The following KNG1 variants were observed in gnomAD, a reference collection of about 807,000 sequenced individuals.
The protein encoded by KNG1 is kininogen 1, also known as kininogen-1.
A neutral mutation model predicts 47.8 loss-of-function variants in KNG1; 23 were observed. The observed-to-expected ratio is 0.48, with a 90% confidence interval of 0.35 to 0.68. The LOEUF is 0.68. Among genes scored for constraint, KNG1 ranks in the 30% least tolerant of loss-of-function variants. The pLI is 0.01. For missense variants in KNG1, 762 were observed against 790.2 expected (o/e 0.96, Z 0.43); for synonymous variants, 277 against 277.0 (o/e 1.00, Z 0.00).
chr3:186,740,976 T>G (rs181666212), intron 9 of KNG1, among the ~76,000 whole-genome samples: 90 of 125,200 alleles, frequency 7.2e-4, no homozygotes, highest in African/African-American at 2.8e-3. Context: ...GGTTTTTTTG[T>G]TTTTTTTTTG....
rs1342731316 is a variant in KNG1 at position 186,727,270 on chromosome 3, T to A, written c.598T>A (p.Ser200Thr). The change falls in exon 5 of 10, where the codon TCA becomes ACA. Residue 200 changes from serine to threonine, a missense_variant. Ser to Thr is a moderately conservative substitution (Grantham distance 58, BLOSUM62 1). Coordinates refer to ENST00000644859, the MANE Select transcript of KNG1 (RefSeq NM_001102416.3). ...VAGLNFRITY[S>T]IVQTNCSKEN... ...TGGATTGAACTTTCGAATTACCTAC[T>A]CAATTGTGCAAACGAATTGTTCCAA... The A allele has an allele frequency of 6.2e-7, 1 of 1,613,824 alleles. No individual in the cohort carries two copies. Among genetic ancestry groups the A allele is most frequent in the Non-Finnish European group, 8.5e-7 (1 of 1,179,710 alleles).
intron 6 of KNG1, 108 bp downstream of exon 6, chr3:186,731,737 G>A: frequency 1.4e-6 from 1 of 735,270 alleles, no homozygotes; most frequent in South Asian, 1.5e-5. Context: ...ATACTCCAAA[G>A]TCTGTGTAAC....
chr3:186,730,666 AAAAAAAAAAAAAAAAAAATATATATAT>A lies in KNG1; in HGVS notation c.673-877_673-851del, dbSNP rs1365665093. Reference sequence around the variant, plus strand: ...GAGAGACTCCATCACAAAAAAAAAAAAAAAAAAAAAAAAAAAAATATATATATATATATATATATATATATATATACA... The same window carrying A: ...GAGAGACTCCATCACAAAAAAAAAAAATATATATATATATATATATATACA... On this transcript the variant is annotated intron_variant, in intron 5 of 9. Transcript: ENST00000644859. Among the ~76,000 whole-genome samples the A allele has an allele frequency of 1.8e-3, 134 of 74,198 alleles. 1 individual carries two copies. In the East Asian group the frequency reaches 0.019, roughly 10 times the overall value. The allele number at this position is 74,198 out of a possible 152,430, so 48.7% of individuals were successfully genotyped here.
rs759881170 is a variant in KNG1, at chr3:186,742,322, C to T, written c.1926C>T (p.Gly642=). 12 of 1,613,802 alleles carry T rather than the reference C, an allele frequency of 7.4e-6. No individual in the cohort carries two copies. The East Asian group carries it at 2.5e-4, about 33-fold the overall frequency. ...KESYYFDLTD[G]LS The stretch of plus-strand genomic sequence containing the variant: ...CTTATTATTTCGATCTCACTGATGG[C>T]CTTTCTTAATTTAAGTGGCTATGGG... The change falls in exon 10 of 10, where the codon GGC becomes GGT. Residue 642 remains glycine (G), a synonymous_variant. Coordinates refer to ENST00000644859, the MANE Select transcript of KNG1 (RefSeq NM_001102416.3).
At chr3:186,725,497 G>A (rs950340153) in intron 4 of KNG1, among the ~76,000 whole-genome samples, 7 of 150,168 alleles carry the variant, frequency 4.7e-5, no homozygotes, top group African/African-American at 1.5e-4. Context: ...GTCATTACAG[G>A]CTCTTCCTAG....
At chr3:186,725,063 G>GT (rs1560063024) in intron 3 of KNG1, 25 bp from the exon 4 acceptor site, 5 of 1,613,306 alleles carry the variant, frequency 3.1e-6, no homozygotes, top group Non-Finnish European at 3.4e-6. Context: ...CATTAATGCT[G>GT]TGTTTTTGTC....
At chr3:186,727,728 C>T (rs988568655) in intron 5 of KNG1, among the ~76,000 whole-genome samples, 19 of 152,052 alleles carry the variant, frequency 1.2e-4, no homozygotes, top group African/African-American at 3.9e-4. Flanking sequence ...CCAACCACCA[C>T]GCATGGCTAA....
chr3:186,722,162 A>T (rs979828479), intron 2 of KNG1: 14 of 287,564 alleles, frequency 4.9e-5, no homozygotes, highest in Non-Finnish European at 8.4e-5. Flanking sequence ...AAGAAAAAAG[A>T]AATACCCTCC....
intron 5 of KNG1, among the ~76,000 whole-genome samples, chr3:186,730,655 C>CAAAA (rs869232105): frequency 1.7e-4 from 14 of 80,106 alleles, no homozygotes; most frequent in Non-Finnish European, 2.7e-4. Context: ...GACTCCATCA[C>CAAAA]AAAAAAAAAA....
At position 186,743,781 on chromosome 3, in the gene KNG1, C is replaced by T. The variant is rs752622792; in HGVS notation, c.*1450C>T. Reference sequence around the variant, plus strand: ...GAGCCAGCATCTGAGAGGGAGGTCTCTTGACCAATGGGCAGAATCTTCACT... The same window carrying T: ...GAGCCAGCATCTGAGAGGGAGGTCTTTTGACCAATGGGCAGAATCTTCACT... On this transcript the variant is annotated 3_prime_UTR_variant, in exon 10 of 10. Coordinates refer to ENST00000644859, the MANE Select transcript of KNG1 (RefSeq NM_001102416.3). The T allele has an allele frequency of 5.6e-6, 9 of 1,613,470 alleles. No homozygotes were observed. The highest frequency in any genetic ancestry group is 7.6e-6 in the Non-Finnish European group (9 of 1,179,392).
At chr3:186,733,469 C>T (rs565505152) in intron 7 of KNG1, among the ~76,000 whole-genome samples, 3 of 152,160 alleles carry the variant, frequency 2.0e-5, no homozygotes, top group South Asian at 2.1e-4. Flanking sequence ...TGCCTGGGAT[C>T]CCGCTCTCCT....
intron 9 of KNG1, among the ~76,000 whole-genome samples, chr3:186,740,165 T>C (rs1720772291): frequency 6.6e-6 from 1 of 152,176 alleles, no homozygotes; most frequent in African/African-American, 2.4e-5. Flanking sequence ...AAAGCATTCG[T>C]TGATGTCATC....
At position 186,727,323 on chromosome 3, in the gene KNG1, C is replaced by T; in HGVS notation, c.651C>T (p.Asp217=). 1 of 1,611,142 alleles carries T rather than the reference C, an allele frequency of 6.2e-7. No individual in the cohort carries two copies. Among genetic ancestry groups the T allele is most frequent in the Non-Finnish European group, 8.5e-7 (1 of 1,177,348 alleles). Residue 217 remains aspartate (D), a synonymous_variant, in exon 5 of 10, where the codon GAC becomes GAT. Coordinates refer to ENST00000644859, the MANE Select transcript of KNG1 (RefSeq NM_001102416.3). The stretch of plus-strand genomic sequence containing the variant: ...AGAATTTTCTGTTCTTAACTCCAGA[C>T]TGCAAGTCCCTTTGGAATGGTGTAA... ...SKENFLFLTP[D]CKSLWNGDTG...
At chr3:186,722,655 A>G (rs561146882) in intron 3 of KNG1, 134 bp downstream of exon 3, 43 of 751,776 alleles carry the variant, frequency 5.7e-5, no homozygotes, top group African/African-American at 5.7e-4. Context: ...GTTAGGGAGC[A>G]TTGGGTGGAG....
intron 4 of KNG1, among the ~76,000 whole-genome samples, chr3:186,725,542 G>GGTTTTTTTTTTTTTTT (rs1560063426): frequency 1.2e-4 from 9 of 75,016 alleles, no homozygotes; most frequent in Non-Finnish European, 2.3e-4. Flanking sequence ...CCGGCCTTAG[G>GGTTTTTTTTTTTTTTT]ATTTTTTTTT....
Position 186,732,606 on chromosome 3 carries a change from A to G in KNG1, c.862A>G (p.Lys288Glu), listed in dbSNP as rs913604313. The change falls in exon 7 of 10, where the codon AAG becomes GAG. Residue 288 changes from lysine (K) to glutamate (E), a missense_variant. By Grantham distance (56) the Lys-to-Glu change is moderately conservative. Coordinates refer to ENST00000644859, the MANE Select transcript of KNG1 (RefSeq NM_001102416.3). ...LEETLTHTITKLNAENNATFY... is the reference protein window; with the variant it reads ...LEETLTHTITELNAENNATFY... The stretch of plus-strand genomic sequence containing the variant: ...GGAGACACTGACTCACACCATCACA[A>G]AGCTTAATGCAGAGAATAACGCAAC... 1 of 1,614,098 alleles carries G rather than the reference A, an allele frequency of 6.2e-7. No individual in the cohort carries two copies. Among genetic ancestry groups the G allele is most frequent in the Admixed American group, 1.7e-5 (1 of 60,022 alleles).
chr3:186,739,390 T>G lies in KNG1; in HGVS notation c.1101T>G (p.Thr367=). ...VVPWEKKIYP[T]VNCQPLGMIS... ...CCTGGGAGAAAAAAATTTACCCTAC[T>G]GTCAACTGTCAACCACTGGGAATGG... is the stretch of plus-strand genomic sequence containing the variant. The change falls in exon 9 of 10, where the codon ACT becomes ACG. Residue 367 remains threonine (T), a synonymous_variant. Coordinates refer to ENST00000644859, the MANE Select transcript of KNG1 (RefSeq NM_001102416.3). 3 of 1,610,380 alleles carry G rather than the reference T, an allele frequency of 1.9e-6. No homozygotes were observed. The highest frequency in any genetic ancestry group is 2.5e-6 in the Non-Finnish European group (3 of 1,176,538).
chr3:186,735,665 G>C (rs1720655188), intron 7 of KNG1, among the ~76,000 whole-genome samples: 1 of 152,062 alleles, frequency 6.6e-6, no homozygotes, highest in Admixed American at 6.6e-5. Flanking sequence ...GCTGGGTATG[G>C]TGGTATGTGC....
chr3:186,723,735 A>G (rs1218311921), intron 3 of KNG1, among the ~76,000 whole-genome samples: 1 of 150,552 alleles, frequency 6.6e-6, no homozygotes, highest in Non-Finnish European at 1.5e-5. Flanking sequence ...GCTCACTGCA[A>G]CCTCCCGGGT....
Sources: allele counts gnomAD v4.1 joint callset (sites outside exome capture counted in the v4.1 genomes callset), GRCh38; gene constraint gnomAD v4.1.1; transcripts MANE v1.5; gene names NCBI Gene and HGNC (gene_info 2026-07-23, HGNC 2026-07-21).